Variants in KMO observed in about 807,000 individuals in gnomAD.
The protein encoded by KMO is kynurenine 3-monooxygenase.
Under a neutral mutation model 57.8 loss-of-function variants are expected in KMO, and 24 were observed. The ratio of observed to expected loss-of-function variants is 0.42; its 90% CI spans 0.30 to 0.58. The LOEUF is 0.58. Ranked by LOEUF, KMO falls within the 20% of genes least tolerant of loss-of-function variation. The pLI, the probability that KMO is intolerant of heterozygous loss-of-function variation, is 0.22. For synonymous variants in KMO, 210 were observed against 193.6 expected (o/e 1.08, Z -0.70); for missense variants, 483 against 588.2 (o/e 0.82, Z 1.85).
intron 10 of KMO, 133 bp downstream of exon 10, chr1:241,568,780 C>A (rs1385657594): frequency 2.0e-5 from 17 of 843,888 alleles, no homozygotes; most frequent in Non-Finnish European, 2.7e-5. Context: ...AGCAATCATA[C>A]CAGCTGTGTA....
intron 10 of KMO, among the ~76,000 whole-genome samples, chr1:241,572,881 A>T (rs994585362): frequency 8.5e-5 from 13 of 152,140 alleles, no homozygotes; most frequent in Non-Finnish European, 1.6e-4. Flanking sequence ...AAGTGAGAAC[A>T]TACAGTATTT....
chr1:241,543,496 C>A (rs962475478), intron 1 of KMO, among the ~76,000 whole-genome samples: 1 of 151,986 alleles, frequency 6.6e-6, no homozygotes, highest in Non-Finnish European at 1.5e-5. Flanking sequence ...ATAATGTGTT[C>A]GTTCATTCCA....
chr1:241,578,093 T>C (rs973015116), intron 10 of KMO, among the ~76,000 whole-genome samples: 1 of 152,176 alleles, frequency 6.6e-6, no homozygotes, highest in Non-Finnish European at 1.5e-5. Context: ...TGCTCCCTCA[T>C]GTGGGGCGGC....
intron 6 of KMO, among the ~76,000 whole-genome samples, chr1:241,561,656 CT>C (rs1008237900): frequency 3.3e-5 from 5 of 152,208 alleles, no homozygotes; most frequent in African/African-American, 1.2e-4. Flanking sequence ...CATCATTCCC[CT>C]AATAGATAAT....
At chr1:241,542,523 C>A (rs1170172464) in intron 1 of KMO, among the ~76,000 whole-genome samples, 2 of 152,330 alleles carry the variant, frequency 1.3e-5, no homozygotes, top group East Asian at 3.9e-4. Flanking sequence ...ATTTTGTGAG[C>A]AAACATCTCA....
chr1:241,590,385 C>A, intron 14 of KMO, 122 bp downstream of exon 14: 1 of 783,448 alleles, frequency 1.3e-6, no homozygotes, highest in Non-Finnish European at 2.1e-6. Flanking sequence ...GTTTGCCTTC[C>A]AAACAGAAAC....
At chr1:241,584,139 C>T (rs189021574) in intron 10 of KMO, among the ~76,000 whole-genome samples, 2 of 152,118 alleles carry the variant, frequency 1.3e-5, no homozygotes, top group African/African-American at 4.8e-5. Flanking sequence ...ATCCCCCAAC[C>T]CCATGACAGC....
At chr1:241,587,952 A>G (rs1162270685) in intron 11 of KMO, among the ~76,000 whole-genome samples, 2 of 152,124 alleles carry the variant, frequency 1.3e-5, no homozygotes, top group African/African-American at 4.8e-5. Context: ...CCTACTTCCC[A>G]GCATCACGTG....
chr1:241,540,026 G>A (rs1480235072), intron 1 of KMO, among the ~76,000 whole-genome samples: 2 of 152,010 alleles, frequency 1.3e-5, no homozygotes, highest in Non-Finnish European at 2.9e-5. Context: ...CTTTTGACGT[G>A]GAAATGTATT....
At chr1:241,563,966 C>T (rs769559242) in intron 7 of KMO, among the ~76,000 whole-genome samples, 1 of 152,076 alleles carries the variant, frequency 6.6e-6, no homozygotes, top group Non-Finnish European at 1.5e-5. Flanking sequence ...ACTGTTAAAG[C>T]GAAGTAATTG....
chr1:241,584,945 G>A (rs977042473), intron 10 of KMO, among the ~76,000 whole-genome samples: 1 of 152,058 alleles, frequency 6.6e-6, no homozygotes, highest in African/African-American at 2.4e-5. Flanking sequence ...GGAATTTTAG[G>A]CCAGGTGTGG....
chr1:241,549,659 C>T lies in KMO; in HGVS notation c.125-18C>T, dbSNP rs779272501. 8.4e-6 allele frequency: 13 copies of T among 1,548,662 alleles called. 1 individual carries two copies. In the South Asian group the frequency reaches 1.5e-4, roughly 17 times the overall value. Reference sequence around the variant, plus strand: ...ATATAAAGTGTGCGTAACATGGAGTCTGCTTCCAATGTCTCAGATACTCGA... The same window carrying T: ...ATATAAAGTGTGCGTAACATGGAGTTTGCTTCCAATGTCTCAGATACTCGA... On this transcript the variant is annotated intron_variant, in intron 2 of 14. Coordinates refer to ENST00000366559, the MANE Select transcript of KMO (RefSeq NM_003679.5).
At chr1:241,532,681 G>A (rs1303265077) in intron 1 of KMO, among the ~76,000 whole-genome samples, 183 bp downstream of exon 1, 1 of 151,860 alleles carries the variant, frequency 6.6e-6, no homozygotes, top group Non-Finnish European at 1.5e-5. Flanking sequence ...TATAGTATGA[G>A]TTTTAATCTG....
intron 10 of KMO, among the ~76,000 whole-genome samples, chr1:241,577,967 C>A (rs553294881): frequency 6.6e-6 from 1 of 152,126 alleles, no homozygotes; most frequent in Non-Finnish European, 1.5e-5. Flanking sequence ...CATCCCTGAC[C>A]CAGTGTTCTG....
chr1:241,564,981 C>A lies in KMO; in HGVS notation c.616-6C>A, dbSNP rs983551946. ...ACTAATCAATCATATATTCTTTTTT[C>A]TGCAGTATGCCATGGAACCTAATTA... On this transcript the variant is annotated splice_region_variant and splice_polypyrimidine_tract_variant and intron_variant, in intron 7 of 14. Transcript: ENST00000366559. The A allele has an allele frequency of 1.9e-6, 3 of 1,583,342 alleles. No homozygotes were observed. Among genetic ancestry groups the A allele is most frequent in the Non-Finnish European group, 2.6e-6 (3 of 1,153,686 alleles).
intron 1 of KMO, among the ~76,000 whole-genome samples, chr1:241,545,857 C>A (rs918942532): frequency 1.3e-5 from 2 of 152,106 alleles, no homozygotes; most frequent in Admixed American, 1.3e-4. Context: ...AAAGATAACA[C>A]TTCTGGCCAT....
intron 11 of KMO, among the ~76,000 whole-genome samples, chr1:241,588,329 CTTTTTTTTTTTTTT>C (rs57587351): frequency 2.0e-5 from 2 of 98,390 alleles, no homozygotes; most frequent in East Asian, 3.3e-4. Flanking sequence ...TCTTTTTTTT[CTTTTTTTTTTTTTT>C]TTTTTTTTTT....
At chr1:241,563,733 G>A (rs1447123839) in intron 7 of KMO, among the ~76,000 whole-genome samples, 2 of 152,144 alleles carry the variant, frequency 1.3e-5, no homozygotes. Context: ...TTTAAAAAAT[G>A]TCTCCACTCT....
intron 10 of KMO, among the ~76,000 whole-genome samples, chr1:241,571,714 T>C (rs1041488657): frequency 2.0e-5 from 3 of 152,090 alleles, no homozygotes; most frequent in Non-Finnish European, 2.9e-5. Context: ...TTTGCATCTA[T>C]GTTTATCAGA....
Sources: allele counts gnomAD v4.1 joint callset (sites outside exome capture counted in the v4.1 genomes callset), GRCh38; gene constraint gnomAD v4.1.1; transcripts MANE v1.5; gene names NCBI Gene and HGNC (gene_info 2026-07-23, HGNC 2026-07-21).